SRGAP3: variants seen among roughly 807,000 people sequenced by gnomAD.
SRGAP3 encodes the protein SLIT-ROBO Rho GTPase activating protein 3, also known as SLIT-ROBO Rho GTPase-activating protein 3.
Under a neutral mutation model 121.1 loss-of-function variants are expected in SRGAP3, and 39 were observed. The observed-to-expected ratio is 0.32, with a 90% CI of 0.25 to 0.42. SRGAP3 has a LOEUF of 0.42. Ranked by LOEUF, SRGAP3 falls within the 10% of genes least tolerant of loss-of-function variation. The pLI is 1.00. For missense variants in SRGAP3, 1,213 were observed against 1,470.6 expected, an observed-to-expected ratio of 0.82 and a Z score of 2.86; for synonymous variants, 601 against 570.0, an observed-to-expected ratio of 1.05 and a Z score of -0.77.
chr3:9,342,119 G>A (rs893067395), intron 1 of SRGAP3, among the ~76,000 whole-genome samples: 1 of 152,194 alleles, frequency 6.6e-6, no homozygotes, highest in Admixed American at 6.5e-5. Context: ...GGGAAGCCGA[G>A]GCAGGCGAAT....
intron 1 of SRGAP3, among the ~76,000 whole-genome samples, chr3:9,205,876 G>A (rs954608201): frequency 2.0e-5 from 3 of 152,282 alleles, no homozygotes; most frequent in Admixed American, 2.0e-4. Flanking sequence ...AACCAGTCAC[G>A]AAAGGTCAAA....
chr3:9,305,363 CTTTTTTTTTTTT>C (rs1210901472), intron 3 of SRGAP3, among the ~76,000 whole-genome samples: 1 of 96,732 alleles, frequency 1.0e-5, no homozygotes, highest in Non-Finnish European at 2.2e-5. Flanking sequence ...GAGGTCCTCT[CTTTTTTTTTTTT>C]TTTTTTTTTA....
chr3:9,121,344 C>G (rs1948997221), intron 2 of SRGAP3, among the ~76,000 whole-genome samples: 1 of 152,210 alleles, frequency 6.6e-6, no homozygotes, highest in South Asian at 2.1e-4. Context: ...TGAGACAAGG[C>G]TTCTCGGAAC....
In SRGAP3 at chr3:8,981,937, C is replaced by T. The variant is rs1257678744; in HGVS notation, c.*3582G>A. The T allele has an allele frequency of 1.3e-5, 3 of 226,830 alleles. No homozygotes were observed. Among genetic ancestry groups the T allele is most frequent in the Admixed American group, 5.7e-5 (1 of 17,562 alleles). 14.1% of individuals were successfully genotyped at this position (226,830 alleles called of 1,614,324 possible). The stretch of plus-strand genomic sequence containing the variant: ...TGCACTCTGTCCGGGGTTCAAAAGG[C>T]GCTTCGAGGTGAGAAATCGTTAGCA... On this transcript the variant is annotated 3_prime_UTR_variant, in exon 22 of 22. Transcript: ENST00000383836.
intron 7 of SRGAP3, among the ~76,000 whole-genome samples, chr3:9,056,548 T>C (rs1945832427): frequency 6.6e-6 from 1 of 152,248 alleles, no homozygotes; most frequent in African/African-American, 2.4e-5. Context: ...GTCCGCACTC[T>C]TGCCACTGCC....
intron 3 of SRGAP3, among the ~76,000 whole-genome samples, chr3:9,086,552 T>C (rs1242068540): frequency 6.7e-6 from 1 of 148,816 alleles, no homozygotes; most frequent in Non-Finnish European, 1.5e-5. Flanking sequence ...TATATACGTA[T>C]GTGTGTATAT....
intron 3 of SRGAP3, among the ~76,000 whole-genome samples, chr3:9,099,967 G>C (rs1948151333): frequency 1.3e-5 from 2 of 152,248 alleles, no homozygotes; most frequent in South Asian, 2.1e-4. Flanking sequence ...AGCGTGCCTA[G>C]GCTGACGGGG....
chr3:8,998,398 G>A (rs537621734), intron 18 of SRGAP3, among the ~76,000 whole-genome samples: 2 of 152,052 alleles, frequency 1.3e-5, no homozygotes, highest in Non-Finnish European at 2.9e-5. Context: ...TTTCCCAGCC[G>A]CTCCCAACTG....
chr3:9,032,754 T>G lies in SRGAP3; in HGVS notation c.1437-2A>C, dbSNP rs1944553169. 1.9e-6 allele frequency: 3 copies of G among 1,612,582 alleles called. No individual in the cohort carries two copies. Among genetic ancestry groups the G allele is most frequent in the Non-Finnish European group, 2.5e-6 (3 of 1,179,118 alleles). The stretch of plus-strand genomic sequence containing the variant: ...GGTTTAGGGGGAAGACAGGGGGGCC[T>G]AGGGGAAAACGGAACAAAAGAAATC... On this transcript the variant is annotated splice_acceptor_variant, in intron 11 of 21. Transcript: ENST00000383836. LOFTEE classifies it high-confidence loss of function.
At chr3:9,123,754 GTATGTGTGTA>G (rs1949112309) in intron 2 of SRGAP3, among the ~76,000 whole-genome samples, 4 of 149,654 alleles carry the variant, frequency 2.7e-5, no homozygotes, top group African/African-American at 5.0e-5. Flanking sequence ...GTGTGTGTGT[GTATGTGTGTA>G]TATATGTATG....
chr3:9,310,345 C>G (rs1055813612), intron 3 of SRGAP3, among the ~76,000 whole-genome samples: 1 of 152,158 alleles, frequency 6.6e-6, no homozygotes, highest in African/African-American at 2.4e-5. Flanking sequence ...CTCCTGCCAA[C>G]AGTATCCCTA....
chr3:9,195,999 T>C (rs1253454840), intron 1 of SRGAP3, among the ~76,000 whole-genome samples: 1 of 152,046 alleles, frequency 6.6e-6, no homozygotes, highest in Non-Finnish European at 1.5e-5. Context: ...CGAAAATACT[T>C]GTACAGAGTG....
Position 9,053,209 on chromosome 3 carries a change from C to T in SRGAP3, c.1141G>A (p.Asp381Asn), listed in dbSNP as rs762155972. The change falls in exon 9 of 22, where the codon GAT (aspartate) becomes AAT (asparagine). Residue 381 changes from aspartate (D) to asparagine (N), a missense_variant. This residue lies in a region of SRGAP3 where 793 missense variants were observed against 1,032.9 expected (regional missense o/e 0.77). Transcript: ENST00000383836. Reference protein sequence around the residue: ...IENEEVRKTLDATMQTLQDML... With the variant: ...IENEEVRKTLNATMQTLQDML... ...TCCTGTAATGTCTGCATGGTGGCAT[C>T]CAGGGTTTTCCTAACCTGGGGAAAC... The T allele has an allele frequency of 2.5e-6, 4 of 1,613,952 alleles. No individual in the cohort carries two copies. The South Asian group carries it at 4.4e-5, about 18-fold the overall frequency.
intron 3 of SRGAP3, among the ~76,000 whole-genome samples, chr3:9,270,161 A>G (rs1954444629): frequency 6.6e-6 from 1 of 152,230 alleles, no homozygotes; most frequent in Non-Finnish European, 1.5e-5. Context: ...GGACACCTAT[A>G]GGAAATGGGT....
intron 2 of SRGAP3, among the ~76,000 whole-genome samples, chr3:9,120,984 G>A (rs1040639428): frequency 1.3e-5 from 2 of 152,146 alleles, no homozygotes; most frequent in South Asian, 2.1e-4. Context: ...AGGGAGACAC[G>A]GCCCATGGAG....
chr3:9,059,464 A>G (rs1040036989), intron 6 of SRGAP3: 3 of 152,326 alleles, frequency 2.0e-5, no homozygotes, highest in Non-Finnish European at 4.4e-5. Context: ...GAGCCCCCTG[A>G]CTTCCCGACA....
intron 1 of SRGAP3, among the ~76,000 whole-genome samples, chr3:9,148,352 G>C (rs2125048798): frequency 6.6e-6 from 1 of 152,304 alleles, no homozygotes; most frequent in South Asian, 2.1e-4. Context: ...AATTTTGGGG[G>C]CAGTGCCTCA....
intron 11 of SRGAP3, chr3:9,036,235 A>T (rs1459259732): frequency 6.6e-6 from 1 of 152,240 alleles, no homozygotes; most frequent in African/African-American, 2.4e-5. Flanking sequence ...CTGCTCAAAT[A>T]ACCATCCAGA....
chr3:9,081,339 A>G, intron 3 of SRGAP3: 1 of 454,430 alleles, frequency 2.2e-6, no homozygotes, highest in South Asian at 1.6e-5. Context: ...ACAGGTTGGC[A>G]GAAAGGCCTC....
Sources: gnomAD v4.1 joint callset for allele counts (sites outside exome capture counted in the v4.1 genomes callset) on GRCh38, gnomAD v4.1.1 for gene constraint, gnomAD v4.1.1 regional missense constraint, MANE v1.5 for transcripts, NCBI Gene and HGNC (gene_info 2026-07-23, HGNC 2026-07-21) for gene names.